DENND4A: variants seen among roughly 807,000 people sequenced by gnomAD.
DENND4A encodes the protein C-myc promoter-binding protein.
A neutral mutation model predicts 199.3 loss-of-function variants in DENND4A; 70 were observed. The ratio of observed to expected loss-of-function variants is 0.35; its 90% CI spans 0.29 to 0.43. The LOEUF is 0.43. DENND4A is among the 20% of genes least tolerant of loss of function. The probability of loss-of-function intolerance (pLI) is 1.00; values close to 1 mark genes in which losing one functional copy is unlikely to be tolerated. For missense variants in DENND4A, 1,723 were observed against 2,255.8 expected (o/e 0.76, Z 4.78); for synonymous variants, 686 against 766.9 (o/e 0.89, Z 1.74).
chr15:65,766,949 C>T (rs1004728095), intron 1 of DENND4A, among the ~76,000 whole-genome samples: 11 of 152,142 alleles, frequency 7.2e-5, no homozygotes, highest in African/African-American at 1.9e-4. Flanking sequence ...GCTGCTATTC[C>T]CTTGAGAATA....
At chr15:65,665,063 A>G in intron 30 of DENND4A, 2 of 455,388 alleles carry the variant, frequency 4.4e-6, no homozygotes, top group Non-Finnish European at 7.6e-6. Flanking sequence ...TGAAAGCTGA[A>G]TTCTGCAAAA....
Position 65,661,759 on chromosome 15 carries a change from A to G in DENND4A, c.*92T>C. 1 of 1,177,146 alleles carries G rather than the reference A, an allele frequency of 8.5e-7. No individual in the cohort carries two copies. The highest frequency in any genetic ancestry group is 1.1e-6 in the Non-Finnish European group (1 of 869,658). 72.9% of individuals were successfully genotyped at this position (1,177,146 alleles called of 1,614,324 possible). ...GAACCATTTACAAATTGTATTTTCA[A>G]AAATTGAAGAAAAAATATTTAGAGT... On this transcript the variant is annotated 3_prime_UTR_variant, in exon 33 of 33. Transcript: ENST00000443035.
At chr15:65,752,317 G>GTTTT in intron 4 of DENND4A, 62 bp downstream of exon 4, 1 of 251,854 alleles carries the variant, frequency 4.0e-6, no homozygotes, top group Non-Finnish European at 7.1e-6. Flanking sequence ...AAAAAAAGAT[G>GTTTT]TATTTAAAAT....
chr15:65,759,857 G>A (rs1030622442), intron 2 of DENND4A, among the ~76,000 whole-genome samples: 1 of 152,142 alleles, frequency 6.6e-6, no homozygotes, highest in African/African-American at 2.4e-5. Flanking sequence ...GGGCTGCATA[G>A]TATTTTATTT....
intron 25 of DENND4A, among the ~76,000 whole-genome samples, 196 bp from the exon 26 acceptor site, chr15:65,670,384 A>G (rs1479565459): frequency 6.6e-6 from 1 of 152,206 alleles, no homozygotes; most frequent in Non-Finnish European, 1.5e-5. Flanking sequence ...TTTTGCCTGA[A>G]AGGGAAACTT....
chr15:65,788,084 T>TA (rs112873940), intron 1 of DENND4A, among the ~76,000 whole-genome samples: 97 of 151,760 alleles, frequency 6.4e-4, no homozygotes, highest in African/African-American at 2.1e-3. Context: ...TTTATTTATT[T>TA]TTTTTTTTTT....
Position 65,746,137 on chromosome 15 carries a change from G to A in DENND4A, c.562-4353C>T, listed in dbSNP as rs1237233970. On this transcript the variant is annotated intron_variant, in intron 4 of 32. Coordinates refer to ENST00000443035, the MANE Select transcript of DENND4A (RefSeq NM_001320835.1). ...GCCTGGGCGACAAGAGTGAAACTCC[G>A]TCTCAAAAAAAAAAAAAAGGAATTA... 6.9e-5 allele frequency among the ~76,000 whole-genome samples: 10 copies of A among 145,672 alleles called. No individual in the cohort carries two copies. The South Asian group carries it at 1.7e-3, about 25-fold the overall frequency.
rs761434254 is a variant in DENND4A at position 65,691,464 on chromosome 15, C to T, written c.3130G>A (p.Glu1044Lys). 5.6e-6 allele frequency: 9 copies of T among 1,612,002 alleles called. No individual in the cohort carries two copies. The South Asian group carries it at 9.9e-5, about 18-fold the overall frequency. Reference protein sequence around the residue: ...LLISSLEDTNETRNIQSRCFR... With the variant: ...LLISSLEDTNKTRNIQSRCFR... ...CATCTACTTTGAATGTTTCGTGTTTCATTTGTATCTTCAAGAGATGATATT... is the reference window on the plus strand; with the variant it reads ...CATCTACTTTGAATGTTTCGTGTTTTATTTGTATCTTCAAGAGATGATATT... The change falls in exon 23 of 33, where the codon GAA becomes AAA. Residue 1044 changes from glutamate to lysine, a missense_variant. Transcript: ENST00000443035.
At chr15:65,760,801 A>G (rs760948083) in intron 2 of DENND4A, among the ~76,000 whole-genome samples, 1 of 152,006 alleles carries the variant, frequency 6.6e-6, no homozygotes, top group Non-Finnish European at 1.5e-5. Flanking sequence ...AGGAACAAGA[A>G]TCACCTGAAC....
rs763186284 is a variant in DENND4A, at chr15:65,752,556, G to A, written c.384C>T (p.Pro128=). 5.6e-6 allele frequency: 9 copies of A among 1,611,958 alleles called. No homozygotes were observed. Among genetic ancestry groups the A allele is most frequent in the Admixed American group, 1.7e-5 (1 of 59,674 alleles). ...ATGAGGTACTCCCACTAATATTTGC[G>A]GGGCGCCCATAGGGAGTACTCTGAA... ...EIIQSTPYGR[P]ANISGSTSSQ... The change falls in exon 4 of 33, where the codon CCC becomes CCT. Residue 128 remains proline, a synonymous_variant. Transcript: ENST00000443035.
chr15:65,717,015 T>C (rs2075428091), intron 13 of DENND4A, among the ~76,000 whole-genome samples: 1 of 152,258 alleles, frequency 6.6e-6, no homozygotes. Flanking sequence ...TTTCAGATCA[T>C]GGATCAGATG....
rs985669474 is a variant in DENND4A at position 65,776,537 on chromosome 15, C to T, written c.-101-15099G>A. 2.0e-4 allele frequency among the ~76,000 whole-genome samples: 31 copies of T among 152,236 alleles called. No individual in the cohort carries two copies. The East Asian group carries it at 4.1e-3, about 20-fold the overall frequency. On this transcript the variant is annotated intron_variant, in intron 1 of 32. Transcript: ENST00000443035. ...ATCATTAAGTATCCCTTTGTATCCA[C>T]CACCTTTTAGAAAGTCTATTTACCT...
chr15:65,691,881 A>C (rs184164316), intron 22 of DENND4A, among the ~76,000 whole-genome samples: 13 of 151,888 alleles, frequency 8.6e-5, no homozygotes, highest in Non-Finnish European at 1.9e-4. Context: ...TAATGAATTT[A>C]TATTAATTCC....
At chr15:65,787,508 T>C (rs2077595039) in intron 1 of DENND4A, among the ~76,000 whole-genome samples, 1 of 152,200 alleles carries the variant, frequency 6.6e-6, no homozygotes, top group African/African-American at 2.4e-5. Flanking sequence ...AAGCACAAAG[T>C]AGGAACTAAG....
At chr15:65,684,683 G>T (rs2076694685) in intron 23 of DENND4A, among the ~76,000 whole-genome samples, 2 of 151,960 alleles carry the variant, frequency 1.3e-5, no homozygotes, top group Admixed American at 6.6e-5. Context: ...TTCATTTTTG[G>T]ATCACAAAAG....
intron 1 of DENND4A, chr15:65,767,363 TTC>T: frequency 6.6e-6 from 1 of 152,360 alleles, no homozygotes; most frequent in East Asian, 1.9e-4. Context: ...GTACAGATTT[TTC>T]TGTTTTATTC....
At chr15:65,753,500 AG>A (rs1030930521) in intron 3 of DENND4A, among the ~76,000 whole-genome samples, 4 of 152,026 alleles carry the variant, frequency 2.6e-5, no homozygotes, top group African/African-American at 9.7e-5. Flanking sequence ...CTGGGATTAC[AG>A]GCGTGTGGCA....
At chr15:65,662,086 G>A (rs1596372100) in intron 32 of DENND4A, 99 bp from the exon 33 acceptor site, 1 of 991,770 alleles carries the variant, frequency 1.0e-6, no homozygotes, top group African/African-American at 1.6e-5. Context: ...AACATTAGAG[G>A]CCAAGAAGGA....
intron 8 of DENND4A, among the ~76,000 whole-genome samples, chr15:65,732,251 A>C (rs2075980546): frequency 6.6e-6 from 1 of 152,110 alleles, no homozygotes; most frequent in Non-Finnish European, 1.5e-5. Context: ...ATTTAAACTG[A>C]ATGTGTTATG....
Sources: gnomAD v4.1 joint callset for allele counts (sites outside exome capture counted in the v4.1 genomes callset) on GRCh38, gnomAD v4.1.1 for gene constraint, MANE v1.5 for transcripts, NCBI Gene and HGNC (gene_info 2026-07-23, HGNC 2026-07-21) for gene names.